The following TIAM1 variants were observed in gnomAD, a reference collection of about 807,000 sequenced individuals.
TIAM1 encodes rho guanine nucleotide exchange factor TIAM1.
Under a neutral mutation model 163.5 loss-of-function variants are expected in TIAM1, and 65 were observed. That is an observed-to-expected ratio of 0.40 (90% confidence interval 0.33 to 0.49). The LOEUF (loss-of-function observed/expected upper bound fraction) is 0.49, where lower values mean the gene tolerates loss of function less well. Among genes scored for constraint, TIAM1 ranks in the 20% least tolerant of loss-of-function variants. The pLI is 0.77. For missense variants in TIAM1, 1,789 were observed against 2,044.7 expected (o/e 0.87, Z 2.41); for synonymous variants, 833 against 810.1 (o/e 1.03, Z -0.48).
chr21:31,280,095 T>C (rs2833360), intron 2 of TIAM1, among the ~76,000 whole-genome samples: 13,880 of 152,176 alleles, frequency 0.091, 1,636 homozygotes, highest in African/African-American at 0.28. Context: ...GCTTACATTA[T>C]GTTAAGATGA....
At chr21:31,265,544 C>T (rs1456811131) in intron 4 of TIAM1, among the ~76,000 whole-genome samples, 1 of 151,786 alleles carries the variant, frequency 6.6e-6, no homozygotes, top group African/African-American at 2.4e-5. Context: ...TGACAAGTGA[C>T]CCAAACCCGC....
chr21:31,266,657 A>G lies in TIAM1; in HGVS notation c.316T>C (p.Ser106Pro). The G allele has an allele frequency of 6.2e-7, 1 of 1,614,190 alleles. No individual in the cohort carries two copies. The highest frequency in any genetic ancestry group is 8.5e-7 in the Non-Finnish European group (1 of 1,180,042). The change falls in exon 4 of 28, where the codon TCT (serine) becomes CCT (proline). Residue 106 changes from serine (S) to proline (P), a missense_variant. Transcript: ENST00000541036. ...CTGTCTACGCTGGGAGTGACAGAAG[A>G]GTCAGTGTAAGACACAGGTCTCAAG... ...MGLRPVSYTDSSVTPSVDSSI... is the reference protein window; with the variant it reads ...MGLRPVSYTDPSVTPSVDSSI...
chr21:31,176,687 A>G (rs1568972400), intron 15 of TIAM1, among the ~76,000 whole-genome samples: 1 of 152,350 alleles, frequency 6.6e-6, no homozygotes, highest in East Asian at 1.9e-4. Context: ...GCAGATCACA[A>G]AATGTGATCA....
chr21:31,120,177 G>C lies in TIAM1; in HGVS notation c.*191C>G, dbSNP rs1411735659. The C allele has an allele frequency of 1.7e-6, 1 of 573,938 alleles. No homozygotes were observed. Among genetic ancestry groups the C allele is most frequent in the East Asian group, 2.9e-5 (1 of 34,954 alleles). 35.6% of individuals were successfully genotyped at this position (573,938 alleles called of 1,614,324 possible). A position where few individuals can be genotyped will look rare whatever the true frequency, so the allele number is the denominator to read the frequency against. On this transcript the variant is annotated 3_prime_UTR_variant, in exon 28 of 28. Transcript: ENST00000541036. This position sits in a 1 kb window ranked among gnomAD's most constrained non-coding sequence, Gnocchi z 4.2. Reference sequence around the variant, plus strand: ...AGGACTCAAGCTTATTTGGGATTCTGATCAATTCTTTCTGATGTTGTTGAA... The same window carrying C: ...AGGACTCAAGCTTATTTGGGATTCTCATCAATTCTTTCTGATGTTGTTGAA...
At chr21:31,383,318 C>A (rs2076810870) in intron 2 of TIAM1, among the ~76,000 whole-genome samples, 1 of 152,202 alleles carries the variant, frequency 6.6e-6, no homozygotes, top group Non-Finnish European at 1.5e-5. Flanking sequence ...CCAGCCCTGT[C>A]ATGATCTAAA....
chr21:31,494,139 C>G (rs528151421), intron 1 of TIAM1, among the ~76,000 whole-genome samples: 1 of 152,268 alleles, frequency 6.6e-6, no homozygotes, highest in South Asian at 2.1e-4. Context: ...GTCTCGAACT[C>G]CTGATCTCAA....
chr21:31,433,365 C>T (rs2044106593), intron 2 of TIAM1, among the ~76,000 whole-genome samples: 1 of 152,178 alleles, frequency 6.6e-6, no homozygotes, highest in African/African-American at 2.4e-5. Context: ...TAACATCATT[C>T]AGGTGATTAG....
intron 13 of TIAM1, among the ~76,000 whole-genome samples, chr21:31,191,038 G>C (rs1430238554): frequency 6.6e-6 from 1 of 152,204 alleles, no homozygotes; most frequent in African/African-American, 2.4e-5. Flanking sequence ...AGATCTCTGA[G>C]GACTGGGGGA....
rs150937414 is a variant in TIAM1 at position 31,124,684 on chromosome 21, T to C, written c.4144A>G (p.Ser1382Gly). The C allele has an allele frequency of 1.5e-5, 23 of 1,578,018 alleles. No homozygotes were observed. The African/African-American group carries it at 3.0e-4, about 20-fold the overall frequency. ...ACAGCCTTTAGGAAATCCTTTCGGC[T>C]CTCTGGGGAGCTAGGAAAAGAAGAT... ...VFHLCCSSPE[S>G]RKDFLKAVHS... Residue 1382 changes from serine to glycine, a missense_variant, in exon 27 of 28, where the codon AGC (serine) becomes GGC (glycine). Around this residue, in one of 5 missense-constraint regions of TIAM1, gnomAD observed 415 missense variants for 439.2 expected, o/e 0.94. Transcript: ENST00000541036.
chr21:31,318,895 G>A (rs979253678), intron 2 of TIAM1, among the ~76,000 whole-genome samples: 2 of 152,072 alleles, frequency 1.3e-5, no homozygotes, highest in Non-Finnish European at 2.9e-5. Flanking sequence ...ACAGGGTCTC[G>A]CTCTGTCCCT....
chr21:31,234,481 A>G (rs116162815), intron 6 of TIAM1, among the ~76,000 whole-genome samples: 4,458 of 152,186 alleles, frequency 0.029, 227 homozygotes, highest in African/African-American at 0.099. Flanking sequence ...GGAAATCACT[A>G]TGAAGGATCA....
At chr21:31,197,939 C>G (rs2085964396) in intron 12 of TIAM1, among the ~76,000 whole-genome samples, 1 of 152,136 alleles carries the variant, frequency 6.6e-6, no homozygotes, top group Non-Finnish European at 1.5e-5. Context: ...CACTGGAACA[C>G]AGGGTATGAA....
chr21:31,175,836 T>C (rs560156584), intron 15 of TIAM1, among the ~76,000 whole-genome samples: 49 of 152,292 alleles, frequency 3.2e-4, no homozygotes, highest in Non-Finnish European at 4.3e-4. Context: ...TGACCTTAGG[T>C]GATCCACCTG....
chr21:31,325,297 A>G (rs996258008), intron 2 of TIAM1, among the ~76,000 whole-genome samples: 1 of 151,910 alleles, frequency 6.6e-6, no homozygotes, highest in Non-Finnish European at 1.5e-5. Flanking sequence ...AAAAAAAAAA[A>G]AAAATTAGTT....
rs755911708 is a variant in TIAM1 at position 31,266,728 on chromosome 21, A to C, written c.245T>G (p.Leu82Arg). Residue 82 changes from leucine (L) to arginine (R), a missense_variant, in exon 4 of 28, where the codon CTA (leucine) becomes CGA (arginine). This residue lies in a region of TIAM1 where 555 missense variants were observed against 564.9 expected (regional missense o/e 0.98). Coordinates refer to ENST00000541036, the MANE Select transcript of TIAM1 (RefSeq NM_001353694.2). ...GLEPFSQDGTLEDFGSPIWVD... is the reference protein window; with the variant it reads ...GLEPFSQDGTREDFGSPIWVD... The stretch of plus-strand genomic sequence containing the variant: ...CCAGATGGGGCTCCCGAAGTCTTCT[A>C]GGGTACCATCTTGGGAGAAGGGCTC... 5.0e-6 allele frequency: 8 copies of C among 1,614,058 alleles called. No homozygotes were observed. Among genetic ancestry groups the C allele is most frequent in the Non-Finnish European group, 6.8e-6 (8 of 1,180,042 alleles).
At chr21:31,255,127 G>C (rs1289639689) in intron 4 of TIAM1, among the ~76,000 whole-genome samples, 1 of 152,206 alleles carries the variant, frequency 6.6e-6, no homozygotes, top group African/African-American at 2.4e-5. Flanking sequence ...GCAAGGAAGT[G>C]ATTACTCCAG....
intron 12 of TIAM1, among the ~76,000 whole-genome samples, chr21:31,198,043 T>C (rs2085972844): frequency 6.6e-6 from 1 of 152,206 alleles, no homozygotes; most frequent in African/African-American, 2.4e-5. Flanking sequence ...CAAATGCTCA[T>C]ATAGATTTTT....
intron 16 of TIAM1, among the ~76,000 whole-genome samples, chr21:31,164,172 C>A (rs905516090): frequency 3.3e-5 from 5 of 152,136 alleles, no homozygotes; most frequent in Non-Finnish European, 7.4e-5. Context: ...GGGTGGATCA[C>A]GAGGTCAGGA....
intron 2 of TIAM1, among the ~76,000 whole-genome samples, chr21:31,424,442 T>C (rs748769281): frequency 6.6e-5 from 10 of 152,294 alleles, no homozygotes; most frequent in African/African-American, 1.4e-4. Flanking sequence ...AGACGTTCCA[T>C]GGAATATTAT....
Sources: gnomAD v4.1 joint callset for allele counts (sites outside exome capture counted in the v4.1 genomes callset) on GRCh38, gnomAD v4.1.1 for gene constraint, gnomAD v4.1.1 regional missense constraint, Gnocchi (gnomAD v3.1) non-coding constraint, MANE v1.5 for transcripts, NCBI Gene and HGNC (gene_info 2026-07-23, HGNC 2026-07-21) for gene names.